DCAF10: variants seen among roughly 807,000 people sequenced by gnomAD.
DCAF10 encodes the protein DDB1 and CUL4 associated factor 10.
Under a neutral mutation model 51.9 loss-of-function variants are expected in DCAF10, and 19 were observed. That is an observed-to-expected ratio of 0.37 (90% CI 0.26 to 0.54). The LOEUF (loss-of-function observed/expected upper bound fraction) is 0.54, where lower values mean the gene tolerates loss of function less well. Among genes scored for constraint, DCAF10 ranks in the 20% least tolerant of loss-of-function variants. DCAF10 has a pLI of 0.87. For synonymous variants in DCAF10, 291 were observed against 297.1 expected (o/e 0.98, Z 0.21); for missense variants, 510 against 730.6 (o/e 0.70, Z 3.48).
At chr9:37,840,768 C>T (rs961323005) in intron 2 of DCAF10, among the ~76,000 whole-genome samples, 7 of 152,202 alleles carry the variant, frequency 4.6e-5, no homozygotes, top group African/African-American at 1.2e-4. Context: ...TCACCCCTCA[C>T]TCACTGACTC....
At chr9:37,810,618 C>T (rs1173726427) in intron 1 of DCAF10, among the ~76,000 whole-genome samples, 7 of 152,104 alleles carry the variant, frequency 4.6e-5, no homozygotes, top group African/African-American at 1.2e-4. Flanking sequence ...CCTGCCACCA[C>T]GCCCGGCTAA....
intron 6 of DCAF10, chr9:37,860,574 G>A (rs766416964): frequency 6.2e-5 from 11 of 178,574 alleles, no homozygotes; most frequent in Non-Finnish European, 1.1e-4. Context: ...CTGGCTAAAT[G>A]TGAGATTTTA....
In DCAF10 at chr9:37,861,066, T is replaced by C; in HGVS notation, c.1312-74T>C. 1 of 1,504,142 alleles carries C rather than the reference T, an allele frequency of 6.6e-7. No homozygotes were observed. The highest frequency in any genetic ancestry group is 8.9e-7 in the Non-Finnish European group (1 of 1,129,852). 93.2% of individuals were successfully genotyped at this position (1,504,142 alleles called of 1,614,324 possible). On this transcript the variant is annotated intron_variant, in intron 6 of 6. Coordinates refer to ENST00000377724, the MANE Select transcript of DCAF10 (RefSeq NM_024345.5). The surrounding 1 kb of genome is among the most constrained non-coding windows in gnomAD (Gnocchi z 4.9). ...TGTGGCTTTGGCAATCTGTTGAGCT[T>C]TTTAAAAATAAGGAATATCTGTAGC...
chr9:37,836,818 T>C (rs1336450538), intron 2 of DCAF10, among the ~76,000 whole-genome samples: 1 of 152,112 alleles, frequency 6.6e-6, no homozygotes, highest in Non-Finnish European at 1.5e-5. Flanking sequence ...TTAATTCAGA[T>C]TGAGCAGTTA....
chr9:37,811,518 T>C (rs576892524), intron 1 of DCAF10, among the ~76,000 whole-genome samples: 5 of 152,118 alleles, frequency 3.3e-5, no homozygotes, highest in African/African-American at 1.2e-4. Flanking sequence ...TTCAAGGAAT[T>C]ATAAGATGGA....
At chr9:37,807,887 C>CAGG (rs1829170545) in intron 1 of DCAF10, among the ~76,000 whole-genome samples, 1 of 151,986 alleles carries the variant, frequency 6.6e-6, no homozygotes. Context: ...GTCTTGAACT[C>CAGG]CTGACCTCAG....
At chr9:37,810,967 A>C (rs1829328011) in intron 1 of DCAF10, among the ~76,000 whole-genome samples, 1 of 152,182 alleles carries the variant, frequency 6.6e-6, no homozygotes, top group Non-Finnish European at 1.5e-5. Flanking sequence ...TAGATTAAGA[A>C]GACCTCAGAT....
chr9:37,816,656 T>TGGG (rs201441275), intron 1 of DCAF10, among the ~76,000 whole-genome samples: 1 of 142,624 alleles, frequency 7.0e-6, no homozygotes, highest in Non-Finnish European at 1.5e-5. Context: ...CATCTGCACC[T>TGGG]GGGGTGTGTG....
At chr9:37,821,386 A>G (rs1829696656) in intron 2 of DCAF10, among the ~76,000 whole-genome samples, 1 of 152,204 alleles carries the variant, frequency 6.6e-6, no homozygotes, top group Non-Finnish European at 1.5e-5. Flanking sequence ...AAACTGAAAC[A>G]AAAGAGATTG....
At position 37,861,056 on chromosome 9, in the gene DCAF10, C is replaced by T; in HGVS notation, c.1312-84C>T. 1 of 1,487,720 alleles carries T rather than the reference C, an allele frequency of 6.7e-7. No individual in the cohort carries two copies. Among genetic ancestry groups the T allele is most frequent in the Non-Finnish European group, 8.9e-7 (1 of 1,119,660 alleles). 92.2% of individuals were successfully genotyped at this position (1,487,720 alleles called of 1,614,324 possible). On this transcript the variant is annotated intron_variant, in intron 6 of 6. Coordinates refer to ENST00000377724, the MANE Select transcript of DCAF10 (RefSeq NM_024345.5). The surrounding 1 kb of genome is among the most constrained non-coding windows in gnomAD (Gnocchi z 4.9). ...GTAAAAATTCTGTGGCTTTGGCAAT[C>T]TGTTGAGCTTTTTAAAAATAAGGAA...
upstream of DCAF10, chr9:37,800,615 A>C (rs1828885824): frequency 6.5e-7 from 1 of 1,535,948 alleles, no homozygotes; most frequent in Admixed American, 2.0e-5. Flanking sequence ...TGCCACCCAG[A>C]TCAGGTGCCC....
chr9:37,847,036 T>C (rs1830493526), intron 3 of DCAF10, among the ~76,000 whole-genome samples: 1 of 151,488 alleles, frequency 6.6e-6, no homozygotes. Flanking sequence ...GGTGGATCAC[T>C]TGAGGTCAGG....
chr9:37,816,659 GGTGTGTGTGTGTGTGTGTGT>G (rs1554685707), intron 1 of DCAF10, among the ~76,000 whole-genome samples: 1 of 144,890 alleles, frequency 6.9e-6, no homozygotes, highest in African/African-American at 2.5e-5. Flanking sequence ...CTGCACCTGG[GGTGTGTGTGTGTGTGTGTGT>G]GTGTGTGTGT....
intron 1 of DCAF10, among the ~76,000 whole-genome samples, chr9:37,802,208 C>T (rs1454483290): frequency 6.6e-6 from 1 of 152,202 alleles, no homozygotes; most frequent in African/African-American, 2.4e-5. Flanking sequence ...TTGTTGAGCA[C>T]TTGCTATGTT....
intron 1 of DCAF10, among the ~76,000 whole-genome samples, chr9:37,807,658 C>CTTTTTTTTTTTT (rs5897701): frequency 2.8e-5 from 2 of 72,558 alleles, no homozygotes; most frequent in Non-Finnish European, 5.2e-5. Flanking sequence ...CTTTTCTTTT[C>CTTTTTTTTTTTT]TTTTTTTTTT....
chr9:37,810,977 T>C (rs1302267247), intron 1 of DCAF10, among the ~76,000 whole-genome samples: 1 of 152,104 alleles, frequency 6.6e-6, no homozygotes, highest in East Asian at 1.9e-4. Flanking sequence ...AGACCTCAGA[T>C]TGCCGGCACC....
At chr9:37,850,831 TA>T (rs1830617880) in intron 3 of DCAF10, among the ~76,000 whole-genome samples, 1 of 5,064 alleles carries the variant, frequency 2.0e-4, no homozygotes, top group African/African-American at 9.2e-4. Flanking sequence ...ATATTTTATA[TA>T]TATATATATA....
intron 1 of DCAF10, among the ~76,000 whole-genome samples, chr9:37,817,858 A>G (rs1462392107): frequency 2.6e-5 from 4 of 152,194 alleles, no homozygotes; most frequent in Non-Finnish European, 4.4e-5. Flanking sequence ...TTCAAAAATT[A>G]CAAATATTAA....
intron 2 of DCAF10, among the ~76,000 whole-genome samples, chr9:37,831,733 C>T (rs555752895): frequency 6.6e-6 from 1 of 152,326 alleles, no homozygotes; most frequent in South Asian, 2.1e-4. Flanking sequence ...TACTTACACC[C>T]ATTATACAGG....
Sources: gnomAD v4.1 joint callset for allele counts (sites outside exome capture counted in the v4.1 genomes callset) on GRCh38, gnomAD v4.1.1 for gene constraint, Gnocchi (gnomAD v3.1) non-coding constraint, MANE v1.5 for transcripts, NCBI Gene and HGNC (gene_info 2026-07-23, HGNC 2026-07-21) for gene names.